The following DPYD variants were observed in gnomAD, a reference collection of about 807,000 sequenced individuals.
DPYD encodes dihydropyrimidine dehydrogenase [NADP(+)].
DPYD carries 109 observed loss-of-function variants against 116.2 expected under a neutral mutation model. That is an observed-to-expected ratio of 0.94 (90% CI 0.80 to 1.10). The LOEUF is 1.10. Among genes scored for constraint, DPYD ranks in the 50% least tolerant of loss-of-function variants. DPYD has a pLI of 0.00. For missense variants in DPYD, 1,302 were observed against 1,254.5 expected, an observed-to-expected ratio of 1.04 and a Z score of -0.57; for synonymous variants, 440 against 432.0, an observed-to-expected ratio of 1.02 and a Z score of -0.23.
At chr1:97,512,857 T>C (rs1375747404) in intron 13 of DPYD, among the ~76,000 whole-genome samples, 1 of 151,830 alleles carries the variant, frequency 6.6e-6, no homozygotes, top group East Asian at 1.9e-4. Context: ...AAAACATAAA[T>C]AGAATCTCAA....
chr1:97,805,548 G>A (rs1668040247), intron 3 of DPYD, among the ~76,000 whole-genome samples: 1 of 151,786 alleles, frequency 6.6e-6, no homozygotes, highest in Non-Finnish European at 1.5e-5. Flanking sequence ...TGCTGAGGTA[G>A]ACACAGAAAG....
intron 13 of DPYD, among the ~76,000 whole-genome samples, chr1:97,451,347 C>G (rs1676402208): frequency 6.6e-6 from 1 of 152,146 alleles, no homozygotes; most frequent in African/African-American, 2.4e-5. Context: ...CCAAATGCTA[C>G]AGTTGCAGAG....
chr1:97,450,238 A>G lies in DPYD; in HGVS notation c.1741-15T>C, dbSNP rs1676337146. On this transcript the variant is annotated splice_polypyrimidine_tract_variant and intron_variant, in intron 13 of 22. Transcript: ENST00000370192. ...GTCACAATGTCCTGATGAAAGAGTA[A>G]AGATATTGAGTCTCCTTTTGACAAA... The G allele has an allele frequency of 6.2e-7, 1 of 1,613,148 alleles. No homozygotes were observed. The highest frequency in any genetic ancestry group is 8.5e-7 in the Non-Finnish European group (1 of 1,179,356).
Position 97,699,388 on chromosome 1 carries a change from T to A in DPYD, c.643A>T (p.Thr215Ser). 6.2e-7 allele frequency: 1 copy of A among 1,613,640 alleles called. No homozygotes were observed. Among genetic ancestry groups the A allele is most frequent in the East Asian group, 2.2e-5 (1 of 44,866 alleles). Residue 215 changes from threonine to serine, a missense_variant, in exon 6 of 23, where the codon ACT becomes TCT. Thr to Ser is a moderately conservative substitution (Grantham distance 58). Coordinates refer to ENST00000370192, the MANE Select transcript of DPYD (RefSeq NM_000110.4). ...FLARLGYSDI[T>S]IFEKQEYVGG... ...ACATATTCTTGTTTTTCAAATATAG[T>A]GATGTCAGAGTACCCCAATCGAGCC... is the stretch of plus-strand genomic sequence containing the variant.
intron 13 of DPYD, among the ~76,000 whole-genome samples, chr1:97,507,220 C>A (rs1647407202): frequency 6.6e-6 from 1 of 151,930 alleles, no homozygotes; most frequent in South Asian, 2.1e-4. Context: ...GTTATAAGAA[C>A]CTAGCTAGGT....
chr1:97,899,720 T>C (rs1047938796), intron 1 of DPYD, among the ~76,000 whole-genome samples: 16 of 152,028 alleles, frequency 1.1e-4, no homozygotes, highest in African/African-American at 3.9e-4. Context: ...AATACGTAAT[T>C]TCTTTACTCA....
chr1:97,115,435 T>C (rs1651897522), intron 20 of DPYD, among the ~76,000 whole-genome samples: 3 of 152,180 alleles, frequency 2.0e-5, no homozygotes, highest in African/African-American at 7.2e-5. Context: ...TACGTGGCCA[T>C]TTCAAAGAGA....
rs76992620 is a variant in DPYD at position 97,690,893 on chromosome 1, T to G, written c.762+824A>C. ...ATAAACCACAAAATATTTTTTTGAG[T>G]GTTTTCTCTTTTATTGATTCATTTT... On this transcript the variant is annotated intron_variant, in intron 7 of 22. Coordinates refer to ENST00000370192, the MANE Select transcript of DPYD (RefSeq NM_000110.4). Among the ~76,000 whole-genome samples the G allele has an allele frequency of 2.6e-4, 39 of 152,146 alleles. No homozygotes were observed. In the East Asian group the frequency reaches 7.1e-3, roughly 28 times the overall value.
chr1:97,176,923 T>C (rs1255176229), intron 20 of DPYD, among the ~76,000 whole-genome samples: 2 of 134,586 alleles, frequency 1.5e-5, no homozygotes, highest in African/African-American at 5.2e-5. Context: ...AAAGATTAAC[T>C]CTAAGAAGTT....
chr1:97,913,254 C>T lies in DPYD; in HGVS notation c.39+7630G>A, dbSNP rs80292420. On this transcript the variant is annotated intron_variant, in intron 1 of 22. Transcript: ENST00000370192. ...AAAAGTTTAAAATCAGGTGAATAAG[C>T]ACATGAAATTCATACAGCTGGTATA... Among the ~76,000 whole-genome samples, 1,207 of 152,222 alleles carry T rather than the reference C, an allele frequency of 7.9e-3. 24 individuals are homozygous for T. Among genetic ancestry groups the T allele is most frequent in the African/African-American group, 0.028 (1,164 of 41,550 alleles).
At chr1:97,862,456 A>G (rs918808961) in intron 2 of DPYD, among the ~76,000 whole-genome samples, 18 of 151,970 alleles carry the variant, frequency 1.2e-4, no homozygotes, top group Non-Finnish European at 2.4e-4. Flanking sequence ...ACAATAATAT[A>G]CTACCCAAGT....
intron 3 of DPYD, among the ~76,000 whole-genome samples, chr1:97,741,537 T>C (rs1172282330): frequency 6.6e-6 from 1 of 152,184 alleles, no homozygotes. Context: ...CAACATTCTA[T>C]AATTATTCAT....
intron 19 of DPYD, among the ~76,000 whole-genome samples, chr1:97,229,319 G>C (rs1661424863): frequency 6.8e-6 from 1 of 146,774 alleles, no homozygotes; most frequent in Non-Finnish European, 1.5e-5. Flanking sequence ...TAAACACTAT[G>C]TATTTGGAGT....
At chr1:97,080,804 G>C (rs931821150) in intron 22 of DPYD, among the ~76,000 whole-genome samples, 1 of 152,118 alleles carries the variant, frequency 6.6e-6, no homozygotes, top group Non-Finnish European at 1.5e-5. Flanking sequence ...TTCTGAGACA[G>C]AAGAATCAAA....
chr1:97,639,819 A>T (rs1378173869), intron 8 of DPYD, among the ~76,000 whole-genome samples: 2 of 152,132 alleles, frequency 1.3e-5, no homozygotes, highest in Non-Finnish European at 1.5e-5. Flanking sequence ...TTTAATACCA[A>T]TTTTTTTAAA....
At chr1:97,406,930 T>C (rs1203469891) in intron 14 of DPYD, among the ~76,000 whole-genome samples, 1 of 152,160 alleles carries the variant, frequency 6.6e-6, no homozygotes, top group Non-Finnish European at 1.5e-5. Flanking sequence ...GTGCATGATA[T>C]TTTCTTTGCT....
intron 3 of DPYD, among the ~76,000 whole-genome samples, chr1:97,775,211 A>G (rs184179794): frequency 6.6e-6 from 1 of 152,254 alleles, no homozygotes; most frequent in Admixed American, 6.5e-5. Flanking sequence ...TATTTTCTGA[A>G]CCCCTGAATG....
intron 20 of DPYD, among the ~76,000 whole-genome samples, chr1:97,127,253 A>T (rs556175179): frequency 1.3e-5 from 2 of 152,280 alleles, no homozygotes; most frequent in South Asian, 4.1e-4. Flanking sequence ...CATGGAAACT[A>T]CAGATCAAAG....
chr1:97,430,653 G>A (rs923229259), intron 14 of DPYD, among the ~76,000 whole-genome samples: 1 of 151,930 alleles, frequency 6.6e-6, no homozygotes, highest in African/African-American at 2.4e-5. Context: ...ACATAAAAGA[G>A]AAGCAGTTGA....
Sources: gnomAD v4.1 joint callset for allele counts (sites outside exome capture counted in the v4.1 genomes callset) on GRCh38, gnomAD v4.1.1 for gene constraint, MANE v1.5 for transcripts, NCBI Gene and HGNC (gene_info 2026-07-23, HGNC 2026-07-21) for gene names.